Variants in TAC4 observed in about 807,000 individuals in gnomAD.
TAC4 encodes tachykinin precursor 4.
In TAC4, 17 loss-of-function variants were observed where a neutral mutation model predicts 17.7. The observed-to-expected ratio is 0.96, with a 90% confidence interval of 0.66 to 1.44. TAC4 has a LOEUF of 1.44. Ranked by LOEUF, TAC4 falls within the 40% of genes most tolerant of loss-of-function variation. The pLI, the probability that TAC4 is intolerant of heterozygous loss-of-function variation, is 0.00. For synonymous variants in TAC4, 62 were observed against 52.4 expected (o/e 1.18, Z -0.79); for missense variants, 118 against 125.6 (o/e 0.94, Z 0.29).
At chr17:49,847,692 G>GACACACACAC (rs150685532) in intron 1 of TAC4, 182 of 434,216 alleles carry the variant, frequency 4.2e-4, no homozygotes, top group East Asian at 2.8e-3. Flanking sequence ...CACACACACA[G>GACACACACAC]ACACACACAC....
intron 2 of TAC4, 155 bp downstream of exon 2, chr17:49,843,909 T>C (rs771069237): frequency 1.5e-6 from 1 of 684,304 alleles, no homozygotes; most frequent in Non-Finnish European, 2.6e-6. Flanking sequence ...TGATAATTCC[T>C]ATGGACAGTC....
Position 49,838,586 on chromosome 17 carries a change from C to T in TAC4, c.*56G>A, listed in dbSNP as rs1447141154. The T allele has an allele frequency of 6.2e-7, 1 of 1,610,464 alleles. No homozygotes were observed. The highest frequency in any genetic ancestry group is 1.3e-5 in the African/African-American group (1 of 74,810). On this transcript the variant is annotated 3_prime_UTR_variant, in exon 5 of 5. Coordinates refer to ENST00000436235, the MANE Select transcript of TAC4 (RefSeq NM_001077506.2). Reference sequence around the variant, plus strand: ...TGGCCTGCCGGCTTGTCAGCTGTGACATCCAGGTAGGAAGAAGCGGCACCG... The same window carrying T: ...TGGCCTGCCGGCTTGTCAGCTGTGATATCCAGGTAGGAAGAAGCGGCACCG...
intron 2 of TAC4, among the ~76,000 whole-genome samples, chr17:49,841,860 C>T (rs546216989): frequency 4.3e-4 from 65 of 151,334 alleles, no homozygotes; most frequent in Non-Finnish European, 9.0e-4. Flanking sequence ...GCCTTAGTTT[C>T]CCCGCTTGTG....
intron 3 of TAC4, 104 bp from the exon 4 acceptor site, chr17:49,840,013 C>A: frequency 9.2e-7 from 1 of 1,081,692 alleles, no homozygotes. Flanking sequence ...GGGCCGGGGC[C>A]AGGGCTGGGG....
At chr17:49,843,226 C>CA (rs1158916913) in intron 2 of TAC4, among the ~76,000 whole-genome samples, 3 of 152,328 alleles carry the variant, frequency 2.0e-5, no homozygotes, top group Non-Finnish European at 4.4e-5. Flanking sequence ...GGAGCATTAC[C>CA]ACTTAAAAAA....
chr17:49,839,320 A>G (rs1225723022), intron 4 of TAC4, among the ~76,000 whole-genome samples: 1 of 152,124 alleles, frequency 6.6e-6, no homozygotes, highest in Non-Finnish European at 1.5e-5. Flanking sequence ...TGATTTATCT[A>G]CTTTCATGCC....
intron 2 of TAC4, among the ~76,000 whole-genome samples, chr17:49,842,772 T>G (rs1315819391): frequency 1.3e-5 from 2 of 152,254 alleles, no homozygotes; most frequent in East Asian, 3.8e-4. Context: ...GTAACCACTG[T>G]TTACAGTTTG....
Position 49,838,447 on chromosome 17 carries a change from C to T in TAC4, c.*195G>A. On this transcript the variant is annotated 3_prime_UTR_variant, in exon 5 of 5. Coordinates refer to ENST00000436235, the MANE Select transcript of TAC4 (RefSeq NM_001077506.2). ...TGCAGCTTGCTACGGCGAAGCTGTG[C>T]ATTTATGCAGGACTGCTGCTTGACA... 11 of 685,316 alleles carry T rather than the reference C, an allele frequency of 1.6e-5. 1 individual carries two copies. In the South Asian group the frequency reaches 1.7e-4, roughly 11 times the overall value. The allele number at this position is 685,316 out of a possible 1,614,324, so 42.5% of individuals were successfully genotyped here.
At chr17:49,843,795 T>C in intron 2 of TAC4, among the ~76,000 whole-genome samples, 1 of 152,164 alleles carries the variant, frequency 6.6e-6, no homozygotes, top group East Asian at 1.9e-4. Context: ...GGTTTCACCA[T>C]GTTGGTCAGG....
intron 1 of TAC4, 188 bp downstream of exon 1, chr17:49,847,725 A>ACG: frequency 1.4e-6 from 1 of 725,274 alleles, no homozygotes; most frequent in Non-Finnish European, 2.2e-6. Context: ...ACACACACAC[A>ACG]CTTCGGAGGT....
Position 49,847,917 on chromosome 17 carries a change from G to A in TAC4, c.101C>T (p.Thr34Ile), listed in dbSNP as rs1211710433. 1 of 1,613,980 alleles carries A rather than the reference G, an allele frequency of 6.2e-7. No individual in the cohort carries two copies. Residue 34 changes from threonine to isoleucine, a missense_variant, in exon 1 of 5, where the codon ACC becomes ATC. Thr to Ile is a moderately conservative substitution (Grantham distance 89). Transcript: ENST00000436235. ...EEQTLSTEAETWEGAGPSIQL... is the reference protein window; with the variant it reads ...EEQTLSTEAEIWEGAGPSIQL... ...TACCTCCAAGGCCACAATTACCCAG[G>A]TCTCTGCTTCAGTGCTGAGTGTCTG...
chr17:49,846,061 T>C (rs985245400), intron 1 of TAC4: 2 of 409,100 alleles, frequency 4.9e-6, no homozygotes, highest in African/African-American at 2.2e-5. Flanking sequence ...ATGAATTCAA[T>C]AGGACTGACC....
At chr17:49,845,405 T>C (rs965106163) in intron 1 of TAC4, among the ~76,000 whole-genome samples, 1 of 152,216 alleles carries the variant, frequency 6.6e-6, no homozygotes, top group African/African-American at 2.4e-5. Flanking sequence ...TCAGTTCTGC[T>C]GAAAGGGAGT....
intron 2 of TAC4, among the ~76,000 whole-genome samples, chr17:49,842,391 A>G (rs1384373447): frequency 6.6e-6 from 1 of 151,986 alleles, no homozygotes; most frequent in Non-Finnish European, 1.5e-5. Flanking sequence ...TTAGCCAGGC[A>G]TGGTGGCTGA....
intron 1 of TAC4, among the ~76,000 whole-genome samples, chr17:49,844,390 C>A (rs2074521516): frequency 6.6e-6 from 1 of 152,106 alleles, no homozygotes; most frequent in East Asian, 1.9e-4. Context: ...TTAAACCTCA[C>A]CAAAACACCA....
rs1372512440 is a variant in TAC4 at position 49,841,542 on chromosome 17, C to T, written c.232+10G>A. 1.3e-6 allele frequency: 2 copies of T among 1,578,510 alleles called. No individual in the cohort carries two copies. The highest frequency in any genetic ancestry group is 1.4e-5 in the African/African-American group (1 of 72,482). On this transcript the variant is annotated intron_variant, in intron 3 of 4. Coordinates refer to ENST00000436235, the MANE Select transcript of TAC4 (RefSeq NM_001077506.2). Reference sequence around the variant, plus strand: ...GGGGCATGTTGAAGGCAGGTTTGGGCAATACTTACCTTTTTTTCTCCTTGG... The same window carrying T: ...GGGGCATGTTGAAGGCAGGTTTGGGTAATACTTACCTTTTTTTCTCCTTGG...
intron 2 of TAC4, 83 bp downstream of exon 2, chr17:49,843,981 G>A (rs934362707): frequency 2.3e-6 from 3 of 1,309,284 alleles, no homozygotes; most frequent in African/African-American, 2.9e-5. Flanking sequence ...CAGTTACTGG[G>A]CTTTGACTTA....
chr17:49,841,734 A>G, intron 2 of TAC4, 150 bp from the exon 3 acceptor site: 1 of 791,218 alleles, frequency 1.3e-6, no homozygotes, highest in Non-Finnish European at 1.8e-6. Flanking sequence ...CTGTGGCAGT[A>G]GGAATGTGCT....
intron 3 of TAC4, among the ~76,000 whole-genome samples, 197 bp from the exon 4 acceptor site, chr17:49,840,106 G>A (rs1206153738): frequency 2.0e-5 from 3 of 152,218 alleles, no homozygotes; most frequent in African/African-American, 4.8e-5. Context: ...TAGTTCATTC[G>A]TTGATTCCCT....
Sources: gnomAD v4.1 joint callset for allele counts (sites outside exome capture counted in the v4.1 genomes callset) on GRCh38, gnomAD v4.1.1 for gene constraint, MANE v1.5 for transcripts, NCBI Gene and HGNC (gene_info 2026-07-23, HGNC 2026-07-21) for gene names.